Variants in FBXW8 observed in about 807,000 individuals in gnomAD.
The protein encoded by FBXW8 is F-box/WD repeat-containing protein 8.
FBXW8 carries 57 observed loss-of-function variants against 65.3 expected under a neutral mutation model. The ratio of observed to expected loss-of-function variants is 0.87; its 90% CI spans 0.71 to 1.09. The LOEUF is 1.09. FBXW8 is among the 50% of genes least tolerant of loss of function. FBXW8 has a pLI of 0.00. For missense variants in FBXW8, 777 were observed against 814.8 expected (o/e 0.95, Z 0.57); for synonymous variants, 308 against 330.2 (o/e 0.93, Z 0.73).
intron 4 of FBXW8, among the ~76,000 whole-genome samples, chr12:116,953,235 T>G (rs1420447628): frequency 1.3e-5 from 2 of 152,162 alleles, no homozygotes; most frequent in Admixed American, 1.3e-4. Flanking sequence ...GAATCATACA[T>G]TTTTAAACCT....
chr12:116,965,390 A>G (rs949286643), intron 5 of FBXW8, among the ~76,000 whole-genome samples: 1 of 152,148 alleles, frequency 6.6e-6, no homozygotes, highest in Non-Finnish European at 1.5e-5. Flanking sequence ...ACAACTATGG[A>G]TTTTTGGAAC....
chr12:116,975,309 A>G (rs1028997643), intron 5 of FBXW8, among the ~76,000 whole-genome samples: 3 of 152,244 alleles, frequency 2.0e-5, no homozygotes, highest in Non-Finnish European at 4.4e-5. Flanking sequence ...TATTTCTGAC[A>G]TTTCTGGAGG....
intron 4 of FBXW8, among the ~76,000 whole-genome samples, chr12:116,962,372 TG>T (rs1884039162): frequency 6.6e-6 from 1 of 152,210 alleles, no homozygotes. Flanking sequence ...CAAGCTTTGT[TG>T]TTTTGCTGTC....
chr12:116,915,295 G>A (rs1046275785), intron 1 of FBXW8, among the ~76,000 whole-genome samples: 18 of 152,180 alleles, frequency 1.2e-4, no homozygotes, highest in Non-Finnish European at 1.5e-5. Context: ...TTTATAATTC[G>A]TTTCATAGTG....
intron 1 of FBXW8, among the ~76,000 whole-genome samples, chr12:116,921,928 A>G (rs1378229743): frequency 6.7e-6 from 1 of 150,312 alleles, no homozygotes; most frequent in African/African-American, 2.5e-5. Flanking sequence ...CCCATACTCA[A>G]GCTATCCTCC....
intron 9 of FBXW8, among the ~76,000 whole-genome samples, chr12:117,026,162 G>A (rs1268862428): frequency 2.0e-5 from 3 of 152,162 alleles, no homozygotes; most frequent in East Asian, 1.9e-4. Flanking sequence ...CCAGGTCCTC[G>A]CCTGCCTGAC....
At chr12:116,912,080 A>T (rs1879992397) in intron 1 of FBXW8, among the ~76,000 whole-genome samples, 1 of 152,096 alleles carries the variant, frequency 6.6e-6, no homozygotes, top group Non-Finnish European at 1.5e-5. Context: ...GGTTAAGAGG[A>T]CAAGGCTCCA....
chr12:116,915,640 CTTTTTTT>C (rs57687048), intron 1 of FBXW8, among the ~76,000 whole-genome samples: 13,338 of 77,148 alleles, frequency 0.17, 1,059 homozygotes, highest in South Asian at 0.32. Flanking sequence ...CACCTGACTA[CTTTTTTT>C]TTTTTTTTTT....
At chr12:117,006,718 TCTGTCAG>T (rs1009565712) in intron 7 of FBXW8, among the ~76,000 whole-genome samples, 35 of 152,334 alleles carry the variant, frequency 2.3e-4, no homozygotes, top group African/African-American at 8.4e-4. Flanking sequence ...AGAGGTGGGC[TCTGTCAG>T]CTGGCAGCAG....
At chr12:117,023,841 G>A (rs1184469401) in intron 8 of FBXW8, among the ~76,000 whole-genome samples, 8 of 152,222 alleles carry the variant, frequency 5.3e-5, no homozygotes, top group East Asian at 3.8e-4. Flanking sequence ...TGGGACAGGC[G>A]TCTCAGGCCA....
chr12:116,944,542 G>A (rs1170740071), intron 2 of FBXW8, among the ~76,000 whole-genome samples: 1 of 152,146 alleles, frequency 6.6e-6, no homozygotes, highest in Non-Finnish European at 1.5e-5. Context: ...CAAGCATCAG[G>A]CACTTGATCC....
intron 8 of FBXW8, among the ~76,000 whole-genome samples, chr12:117,010,948 A>T (rs531603881): frequency 6.6e-6 from 1 of 152,348 alleles, no homozygotes; most frequent in South Asian, 2.1e-4. Context: ...TTAGCTGATT[A>T]GCAGCCTTCT....
At chr12:117,020,154 T>C (rs1954061174) in intron 8 of FBXW8, among the ~76,000 whole-genome samples, 1 of 152,236 alleles carries the variant, frequency 6.6e-6, no homozygotes, top group Non-Finnish European at 1.5e-5. Context: ...GTACCATAAT[T>C]GCTTTAACTA....
intron 4 of FBXW8, among the ~76,000 whole-genome samples, chr12:116,963,151 G>A (rs1381943148): frequency 6.6e-6 from 1 of 152,194 alleles, no homozygotes; most frequent in African/African-American, 2.4e-5. Context: ...CACTCTCTGG[G>A]TGCCACCCTG....
Position 116,928,077 on chromosome 12 carries a change from A to G in FBXW8, c.373A>G (p.Ile125Val), listed in dbSNP as rs1881469328. The G allele has an allele frequency of 6.2e-7, 1 of 1,612,682 alleles. No individual in the cohort carries two copies. The highest frequency in any genetic ancestry group is 1.3e-5 in the African/African-American group (1 of 74,990). ...TATCCAACTGCCTTACGAATTGGCA[A>G]TCAATATATTTCAGTATCTGGACAG... ...FDIQLPYELA[I>V]NIFQYLDRKE... Residue 125 changes from isoleucine (I) to valine (V), a missense_variant, in exon 2 of 11, where the codon ATC becomes GTC. Physicochemically the swap from Ile to Val is conservative, Grantham distance 29 (BLOSUM62 3). Transcript: ENST00000652555.
chr12:116,995,095 T>C (rs1012719540), intron 7 of FBXW8, among the ~76,000 whole-genome samples: 13 of 152,234 alleles, frequency 8.5e-5, no homozygotes, highest in African/African-American at 3.1e-4. Flanking sequence ...TAAATTATTT[T>C]TCAGCTCTCT....
intron 7 of FBXW8, among the ~76,000 whole-genome samples, chr12:116,995,929 G>T (rs1953363252): frequency 6.6e-6 from 1 of 152,072 alleles, no homozygotes; most frequent in Non-Finnish European, 1.5e-5. Flanking sequence ...TTTCATCCAT[G>T]GACACATATT....
At position 116,911,369 on chromosome 12, in the gene FBXW8, G is replaced by T; in HGVS notation, c.318+14G>T. 1 of 1,268,478 alleles carries T rather than the reference G, an allele frequency of 7.9e-7. No individual in the cohort carries two copies. The highest frequency in any genetic ancestry group is 2.9e-5 in the South Asian group (1 of 34,496). 78.6% of individuals were successfully genotyped at this position (1,268,478 alleles called of 1,614,324 possible). The stretch of plus-strand genomic sequence containing the variant: ...ATCCGCGACCTGGTGAGTGGCCGTC[G>T]CCTCCCCCCCGCCCATGCCTGCGCC... On this transcript the variant is annotated intron_variant, in intron 1 of 10. Coordinates refer to ENST00000652555, the MANE Select transcript of FBXW8 (RefSeq NM_153348.3).
chr12:116,967,159 C>CTT (rs769662348), intron 5 of FBXW8, among the ~76,000 whole-genome samples: 84 of 142,200 alleles, frequency 5.9e-4, no homozygotes, highest in African/African-American at 2.1e-3. Flanking sequence ...TTCTCTGCAC[C>CTT]TTTTTTTTTT....
Sources: gnomAD v4.1 joint callset for allele counts (sites outside exome capture counted in the v4.1 genomes callset) on GRCh38, gnomAD v4.1.1 for gene constraint, MANE v1.5 for transcripts, NCBI Gene and HGNC (gene_info 2026-07-23, HGNC 2026-07-21) for gene names.